The following FAM156A variants were observed in gnomAD, a reference collection of about 807,000 sequenced individuals.
FAM156A encodes family with sequence similarity 156 member A.
chrX:52,987,567 G>C (rs1303442007), intron 1 of FAM156A, among the ~76,000 whole-genome samples: 17 of 108,655 alleles, frequency 1.6e-4, no homozygotes, highest in Non-Finnish European at 3.1e-4. Context: ...AGGATTGCTT[G>C]AGCCTGAGAG....
rs112589864 is a variant in FAM156A at position 52,988,052 on chromosome X, C to T, written c.-434+7254G>A. On this transcript the variant is annotated intron_variant, in intron 1 of 4. Transcript: ENST00000610625. ...GATCAGAAGTTCGAGACAACCCTGG[C>T]CAACATGGTGAAACCCCGTCTCTAC... Among the ~76,000 whole-genome samples, 842 of 111,047 alleles carry T rather than the reference C, an allele frequency of 7.6e-3. 9 individuals carry two copies. The highest frequency in any genetic ancestry group is 0.026 in the African/African-American group (799 of 30,551).
chrX:52,978,336 A>G (rs1437050578), intron 1 of FAM156A, among the ~76,000 whole-genome samples: 1 of 111,961 alleles, frequency 8.9e-6, no homozygotes, highest in Non-Finnish European at 1.9e-5. Flanking sequence ...AGCAACAATA[A>G]CAGCTTAGAA....
intron 1 of FAM156A, among the ~76,000 whole-genome samples, chrX:52,978,909 A>C (rs1419164752): frequency 8.9e-6 from 1 of 112,286 alleles, no homozygotes; most frequent in African/African-American, 3.2e-5. Context: ...TTGCTCAGAC[A>C]CGTTTCCATG....
At position 52,981,607 on chromosome X, in the gene FAM156A, TGACAGAAGGCAG is replaced by T. The variant is rs1929913537; in HGVS notation, c.-434+13687_-434+13698del. Among the ~76,000 whole-genome samples, 9 of 111,788 alleles carry T rather than the reference TGACAGAAGGCAG, an allele frequency of 8.1e-5. No homozygotes were observed. The Admixed American group carries it at 8.5e-4, about 11-fold the overall frequency. On this transcript the variant is annotated intron_variant, in intron 1 of 4. Transcript: ENST00000610625. Reference sequence around the variant, plus strand: ...TTTGTGTTCTTGGTTTCTGAGGGACTGACAGAAGGCAGTCAGTCCAGGTTCTGTTAACCATTG... The same window carrying T: ...TTTGTGTTCTTGGTTTCTGAGGGACTTCAGTCCAGGTTCTGTTAACCATTG...
chrX:52,981,638 A>G (rs1929917251), intron 1 of FAM156A, among the ~76,000 whole-genome samples: 1 of 111,312 alleles, frequency 9.0e-6, no homozygotes, highest in Non-Finnish European at 1.9e-5. Context: ...GGTTCTGTTA[A>G]CCATTGACAC....
chrX:52,986,429 T>C (rs372759070), intron 1 of FAM156A, among the ~76,000 whole-genome samples: 1 of 110,289 alleles, frequency 9.1e-6, no homozygotes, highest in Admixed American at 9.7e-5. Flanking sequence ...CTCAACAAAA[T>C]ATTATCAAGA....
chrX:52,988,111 C>T (rs1930428878), intron 1 of FAM156A, among the ~76,000 whole-genome samples: 2 of 109,033 alleles, frequency 1.8e-5, no homozygotes, highest in Admixed American at 9.8e-5. Flanking sequence ...CATGGTGGTG[C>T]GTGCCTGTAA....
chrX:52,973,635 A>G (rs1181374599), intron 1 of FAM156A, among the ~76,000 whole-genome samples: 1 of 112,060 alleles, frequency 8.9e-6, no homozygotes, highest in Non-Finnish European at 1.9e-5. Flanking sequence ...ACTTCACAGT[A>G]CTGGACACGG....
rs28361922 is a variant in FAM156A at position 52,984,112 on chromosome X, T to C, written c.-434+11194A>G. On this transcript the variant is annotated intron_variant, in intron 1 of 4. Coordinates refer to the FAM156A transcript ENST00000610625. ...CTGGACTCATGTTGGTGAAGATTCATTACAATGGAAGTATACGGCAATATC... is the reference window on the plus strand; with the variant it reads ...CTGGACTCATGTTGGTGAAGATTCACTACAATGGAAGTATACGGCAATATC... Among the ~76,000 whole-genome samples, 1,070 of 111,316 alleles carry C rather than the reference T, an allele frequency of 9.6e-3. 16 individuals are homozygous for C. The highest frequency in any genetic ancestry group is 0.034 in the African/African-American group (1,031 of 30,583).
chrX:52,991,411 G>A (rs1556795583), intron 1 of FAM156A, among the ~76,000 whole-genome samples: 7 of 111,168 alleles, frequency 6.3e-5, no homozygotes, highest in East Asian at 2.8e-4. Flanking sequence ...CTGTGCCCTC[G>A]AGGGATCGGA....
chrX:52,979,205 C>A (rs187444348), intron 1 of FAM156A, among the ~76,000 whole-genome samples: 109 of 111,579 alleles, frequency 9.8e-4, no homozygotes, highest in African/African-American at 3.3e-3. Context: ...GGCCTCACAA[C>A]TCCTACTGGC....
intron 1 of FAM156A, among the ~76,000 whole-genome samples, chrX:52,985,440 A>G (rs1556794213): frequency 1.8e-5 from 2 of 111,723 alleles, no homozygotes; most frequent in Non-Finnish European, 3.8e-5. Flanking sequence ...ACATTATCAT[A>G]TTGGAAAAAA....
chrX:52,994,855 C>T lies in FAM156A; in HGVS notation c.-434+451G>A, dbSNP rs140343275. 6.4e-3 allele frequency among the ~76,000 whole-genome samples: 712 copies of T among 110,984 alleles called. 3 individuals are homozygous for T. Among genetic ancestry groups the T allele is most frequent in the African/African-American group, 0.022 (673 of 30,454 alleles). On this transcript the variant is annotated intron_variant, in intron 1 of 4. Coordinates refer to the FAM156A transcript ENST00000610625. ...CTTAGCCGGGCATGGTGGTGAGCAC[C>T]TATAGTCGCAGCTACTCGGGAGGCT...
intron 1 of FAM156A, among the ~76,000 whole-genome samples, chrX:52,991,281 T>C (rs187926690): frequency 1.8e-5 from 2 of 110,900 alleles, no homozygotes; most frequent in East Asian, 2.8e-4. Flanking sequence ...GCCAGAGGCA[T>C]AATTCATGGA....
chrX:52,975,866 C>T (rs1929430704), intron 1 of FAM156A, among the ~76,000 whole-genome samples: 2 of 111,924 alleles, frequency 1.8e-5, no homozygotes, highest in South Asian at 3.7e-4. Context: ...ATCTCCATCT[C>T]GATAGCACAG....
chrX:52,985,079 T>A, intron 1 of FAM156A, among the ~76,000 whole-genome samples: 1 of 111,074 alleles, frequency 9.0e-6, no homozygotes, highest in Middle Eastern at 4.6e-3. Context: ...ACCATCTACA[T>A]AACAACATGA....
chrX:52,982,836 T>C (rs1930004732), intron 1 of FAM156A, among the ~76,000 whole-genome samples: 1 of 113,255 alleles, frequency 8.8e-6, no homozygotes, highest in African/African-American at 3.2e-5. Flanking sequence ...TCTCTATCAT[T>C]TATTTCACGA....
intron 1 of FAM156A, among the ~76,000 whole-genome samples, chrX:52,973,987 T>C (rs781818132): frequency 5.4e-5 from 6 of 110,543 alleles, no homozygotes; most frequent in Non-Finnish European, 9.5e-5. Flanking sequence ...CTTTTAAAGT[T>C]TCTTATTTAG....
At chrX:52,990,610 C>A (rs1556795264) in intron 1 of FAM156A, among the ~76,000 whole-genome samples, 1 of 109,644 alleles carries the variant, frequency 9.1e-6, no homozygotes, top group Admixed American at 9.9e-5. Flanking sequence ...ATGGCAAAAC[C>A]CCATCTCTAC....
Sources: allele counts gnomAD v4.1 joint callset (sites outside exome capture counted in the v4.1 genomes callset), GRCh38; gene constraint gnomAD v4.1.1; transcripts MANE v1.5; gene names NCBI Gene and HGNC (gene_info 2026-07-23, HGNC 2026-07-21).